PEX7: variants seen among roughly 807,000 people sequenced by gnomAD.
The protein encoded by PEX7 is peroxisomal biogenesis factor 7.
Under a neutral mutation model 47.5 loss-of-function variants are expected in PEX7, and 34 were observed. The ratio of observed to expected loss-of-function variants is 0.72; its 90% CI spans 0.54 to 0.95. The LOEUF (loss-of-function observed/expected upper bound fraction) is 0.95. PEX7 is among the 40% of genes least tolerant of loss of function. The pLI is 0.00. For synonymous variants in PEX7, 141 were observed against 148.8 expected, an observed-to-expected ratio of 0.95 and a Z score of 0.38; for missense variants, 394 against 400.3, an observed-to-expected ratio of 0.98 and a Z score of 0.13.
intron 8 of PEX7, among the ~76,000 whole-genome samples, chr6:136,888,339 T>C (rs1471232942): frequency 6.6e-6 from 1 of 152,200 alleles, no homozygotes; most frequent in African/African-American, 2.4e-5. Context: ...GCTAATGATA[T>C]GATACTGATT....
intron 3 of PEX7, among the ~76,000 whole-genome samples, chr6:136,834,354 C>G (rs1304918900): frequency 1.3e-5 from 2 of 152,172 alleles, no homozygotes; most frequent in Non-Finnish European, 2.9e-5. Flanking sequence ...GTAGCTGGGA[C>G]TATAGGCGCT....
At position 136,908,520 on chromosome 6, in the gene PEX7, A is replaced by AGAAG. The variant is rs1004302576; in HGVS notation, c.904-4936_904-4933dup. Among the ~76,000 whole-genome samples the AGAAG allele has an allele frequency of 9.8e-5, 15 of 152,288 alleles. 1 individual carries two copies. Among genetic ancestry groups the AGAAG allele is most frequent in the African/African-American group, 3.6e-4 (15 of 41,566 alleles). On this transcript the variant is annotated intron_variant, in intron 9 of 9. Transcript: ENST00000318471. ...GTTGGTCTTAGCTTAAAGGAAATTCAGAAGGGCATAGGGATGAAATGTACC... is the reference window on the plus strand; with the variant it reads ...GTTGGTCTTAGCTTAAAGGAAATTCAGAAGGAAGGGCATAGGGATGAAATGTACC...
At chr6:136,866,020 T>G (rs1775065378) in intron 5 of PEX7, among the ~76,000 whole-genome samples, 1 of 152,036 alleles carries the variant, frequency 6.6e-6, no homozygotes, top group Non-Finnish European at 1.5e-5. Flanking sequence ...GAGGCGGAGA[T>G]TACAGTGAGC....
At chr6:136,877,551 C>T (rs887485939) in intron 8 of PEX7, among the ~76,000 whole-genome samples, 2 of 152,194 alleles carry the variant, frequency 1.3e-5, no homozygotes, top group African/African-American at 4.8e-5. Flanking sequence ...GTTTTTCCAA[C>T]ACCATTTATT....
In PEX7 at chr6:136,836,446, C is replaced by A. The variant is rs535756595; in HGVS notation, c.340-9169C>A. Among the ~76,000 whole-genome samples, 12 of 152,004 alleles carry A rather than the reference C, an allele frequency of 7.9e-5. No homozygotes were observed. The East Asian group carries it at 1.7e-3, about 22-fold the overall frequency. On this transcript the variant is annotated intron_variant, in intron 3 of 9. Transcript: ENST00000318471. ...GATATAACTTGTATTATAGTTTTGA[C>A]CTTGGAACCATTGAAATGTTTTATG...
rs186525081 is a variant in PEX7 at position 136,862,801 on chromosome 6, T to C, written c.527-3826T>C. Among the ~76,000 whole-genome samples, 7 of 152,304 alleles carry C rather than the reference T, an allele frequency of 4.6e-5. No individual in the cohort carries two copies. The East Asian group carries it at 1.3e-3, about 29-fold the overall frequency. The stretch of plus-strand genomic sequence containing the variant: ...GCTGTAGTCAAAGCAGGGAATGAGG[T>C]ACTGTGGTTGGTCTTGCCTGGACCT... On this transcript the variant is annotated intron_variant, in intron 5 of 9. Coordinates refer to ENST00000318471, the MANE Select transcript of PEX7 (RefSeq NM_000288.4).
chr6:136,856,543 C>A (rs890531182), intron 5 of PEX7, among the ~76,000 whole-genome samples: 1 of 151,958 alleles, frequency 6.6e-6, no homozygotes, highest in Non-Finnish European at 1.5e-5. Flanking sequence ...TGAAAGATTC[C>A]TTCTCAGACA....
intron 8 of PEX7, among the ~76,000 whole-genome samples, chr6:136,885,876 G>A (rs929039284): frequency 2.0e-5 from 3 of 152,148 alleles, no homozygotes; most frequent in Non-Finnish European, 4.4e-5. Context: ...ACTTGAGCAA[G>A]TTATTTTAAA....
intron 9 of PEX7, among the ~76,000 whole-genome samples, chr6:136,899,069 T>C (rs1322489659): frequency 7.0e-6 from 1 of 141,956 alleles, no homozygotes; most frequent in Non-Finnish European, 1.5e-5. Flanking sequence ...TAAGTGTTTT[T>C]TTTTTCTTTT....
At chr6:136,906,566 TAAG>T (rs1775848665) in intron 9 of PEX7, among the ~76,000 whole-genome samples, 1 of 152,052 alleles carries the variant, frequency 6.6e-6, no homozygotes, top group African/African-American at 2.4e-5. Flanking sequence ...GACTCCAGAT[TAAG>T]AAGATTATGT....
At chr6:136,877,635 A>G (rs563094964) in intron 8 of PEX7, among the ~76,000 whole-genome samples, 2 of 152,134 alleles carry the variant, frequency 1.3e-5, no homozygotes, top group South Asian at 2.1e-4. Context: ...GATGTGTGGC[A>G]TTATTTCTGA....
chr6:136,912,786 T>C (rs2115299206), intron 9 of PEX7, among the ~76,000 whole-genome samples: 1 of 152,340 alleles, frequency 6.6e-6, no homozygotes, highest in South Asian at 2.1e-4. Flanking sequence ...CATATATTAA[T>C]TTTATACCCG....
At chr6:136,823,053 C>T (rs986300419) in intron 1 of PEX7, 14 of 985,300 alleles carry the variant, frequency 1.4e-5, no homozygotes, top group Middle Eastern at 5.2e-4. Context: ...GTCCTTGTTC[C>T]TTGAGACCGC....
intron 1 of PEX7, chr6:136,823,051 T>C: frequency 2.0e-6 from 2 of 985,366 alleles, no homozygotes; most frequent in Non-Finnish European, 2.4e-6. Flanking sequence ...GTGTCCTTGT[T>C]CCTTGAGACC....
At chr6:136,877,576 TC>T (rs1775298052) in intron 8 of PEX7, among the ~76,000 whole-genome samples, 2 of 152,316 alleles carry the variant, frequency 1.3e-5, no homozygotes, top group Admixed American at 6.5e-5. Flanking sequence ...AGGGAAACCT[TC>T]CCCCATTGCT....
chr6:136,869,021 A>C (rs537576104), intron 6 of PEX7, among the ~76,000 whole-genome samples: 5 of 152,148 alleles, frequency 3.3e-5, no homozygotes, highest in African/African-American at 4.8e-5. Flanking sequence ...TTGCTTTTTC[A>C]GATGTGCCTA....
intron 5 of PEX7, among the ~76,000 whole-genome samples, chr6:136,850,089 TC>T (rs1184368585): frequency 6.6e-6 from 1 of 152,152 alleles, no homozygotes; most frequent in Admixed American, 6.5e-5. Flanking sequence ...GTTGCATTGA[TC>T]CCTTTACCAT....
intron 9 of PEX7, among the ~76,000 whole-genome samples, chr6:136,904,394 T>C (rs182762071): frequency 1.3e-5 from 2 of 152,276 alleles, no homozygotes; most frequent in Admixed American, 1.3e-4. Context: ...CTTAGATGGA[T>C]GGTATTAGGC....
intron 5 of PEX7, among the ~76,000 whole-genome samples, chr6:136,863,737 G>A (rs1461672374): frequency 2.0e-5 from 3 of 152,068 alleles, no homozygotes; most frequent in East Asian, 1.9e-4. Context: ...GCAAAACCCC[G>A]TCTCTGCCAA....
Sources: gnomAD v4.1 joint callset for allele counts (sites outside exome capture counted in the v4.1 genomes callset) on GRCh38, gnomAD v4.1.1 for gene constraint, MANE v1.5 for transcripts, NCBI Gene and HGNC (gene_info 2026-07-23, HGNC 2026-07-21) for gene names.